The following ACYP2 variants were observed in gnomAD, a reference collection of about 807,000 sequenced individuals.
ACYP2 encodes acylphosphatase-2.
In ACYP2, 12 loss-of-function variants were observed where a neutral mutation model predicts 11.2. The ratio of observed to expected loss-of-function variants is 1.08; its 90% confidence interval spans 0.69 to 1.74. ACYP2 has a LOEUF of 1.74. Among genes scored for constraint, ACYP2 ranks in the 40% most tolerant of loss-of-function variants. ACYP2 has a pLI of 0.00. For missense variants in ACYP2, 134 were observed against 101.9 expected (o/e 1.31, Z -1.35); for synonymous variants, 43 against 32.2 (o/e 1.33, Z -1.13).
At chr2:54,202,270 G>A (rs146589350) in intron 6 of ACYP2, among the ~76,000 whole-genome samples, 4,439 of 149,744 alleles carry the variant, frequency 0.03, 224 homozygotes, top group African/African-American at 0.1. Context: ...CACCATGACC[G>A]GCTAATTTTT....
chr2:54,214,858 A>G (rs1451821336), intron 6 of ACYP2, among the ~76,000 whole-genome samples: 1 of 152,168 alleles, frequency 6.6e-6, no homozygotes, highest in East Asian at 1.9e-4. Context: ...CCATCTTAAC[A>G]ATATTGATTC....
At chr2:54,300,770 C>T (rs966360187) in intron 6 of ACYP2, among the ~76,000 whole-genome samples, 2 of 152,194 alleles carry the variant, frequency 1.3e-5, no homozygotes, top group African/African-American at 4.8e-5. Flanking sequence ...TTAGGTAGTA[C>T]CAAGTTGCCC....
chr2:54,159,960 T>TTG, intron 6 of ACYP2, among the ~76,000 whole-genome samples: 1 of 152,304 alleles, frequency 6.6e-6, no homozygotes, highest in East Asian at 1.9e-4. Flanking sequence ...ACTTGCTGTG[T>TTG]TGTAGCCCCT....
chr2:54,232,449 T>G (rs1260868646), intron 6 of ACYP2, among the ~76,000 whole-genome samples: 1 of 152,108 alleles, frequency 6.6e-6, no homozygotes, highest in African/African-American at 2.4e-5. Flanking sequence ...ACAAGAGGAA[T>G]GGTGTTACAT....
chr2:54,223,988 C>G (rs183413283), intron 6 of ACYP2, among the ~76,000 whole-genome samples: 14 of 152,218 alleles, frequency 9.2e-5, no homozygotes, highest in African/African-American at 3.1e-4. Context: ...GAGGCAGACC[C>G]TGAATGTGAG....
chr2:54,303,674 G>A (rs561906372), intron 6 of ACYP2, among the ~76,000 whole-genome samples: 1 of 152,162 alleles, frequency 6.6e-6, no homozygotes, highest in Non-Finnish European at 1.5e-5. Context: ...GTAATTTTCA[G>A]CTAACCTAGA....
At chr2:54,105,139 G>A (rs944369927) in intron 4 of ACYP2, among the ~76,000 whole-genome samples, 2 of 152,160 alleles carry the variant, frequency 1.3e-5, no homozygotes, top group Non-Finnish European at 2.9e-5. Flanking sequence ...CATAGAGCCT[G>A]AGCACTCTTC....
intron 2 of ACYP2, among the ~76,000 whole-genome samples, chr2:54,009,666 A>G (rs11687470): frequency 0.065 from 9,966 of 152,224 alleles, 430 homozygotes; most frequent in Non-Finnish European, 0.094. Flanking sequence ...GCATGAAGTA[A>G]TACAGGAGCT....
chr2:54,304,777 A>G lies in ACYP2; in HGVS notation c.494A>G (p.Tyr165Cys), dbSNP rs1331133792. The G allele has an allele frequency of 1.2e-6, 2 of 1,608,460 alleles. No homozygotes were observed. The highest frequency in any genetic ancestry group is 1.3e-5 in the African/African-American group (1 of 74,766). The change falls in exon 7 of 7, where the codon TAC (tyrosine) becomes TGC (cysteine). Residue 165 changes from tyrosine (Y) to cysteine (C), a missense_variant. Physicochemically the swap from Tyr to Cys is radical, Grantham distance 194. Transcript: ENST00000607452. ...GAAAAAACCATCTCTAAGCTTGAAT[A>G]CTCTAATTTTAGTATTAGATACTAA...
Position 54,083,998 on chromosome 2 carries a change from G to A in ACYP2, c.277+26638G>A, listed in dbSNP as rs187976511. On this transcript the variant is annotated intron_variant, in intron 4 of 6. Coordinates refer to ENST00000607452, the MANE Select transcript of ACYP2 (RefSeq NM_001320586.2). ...CACACCAAATTATAAATTTTGAAAA[G>A]ATGAGAAATGTCCCAAATATCCCCA... Among the ~76,000 whole-genome samples, 322 of 152,292 alleles carry A rather than the reference G, an allele frequency of 2.1e-3. 2 individuals are homozygous for A. The highest frequency in any genetic ancestry group is 7.4e-3 in the African/African-American group (306 of 41,564).
At chr2:53,980,348 G>T (rs1671687844) in intron 2 of ACYP2, among the ~76,000 whole-genome samples, 1 of 151,276 alleles carries the variant, frequency 6.6e-6, no homozygotes, top group East Asian at 1.9e-4. Flanking sequence ...GTGAGACCCT[G>T]TCTCAAAAAA....
intron 6 of ACYP2, among the ~76,000 whole-genome samples, chr2:54,297,690 T>C (rs370903022): frequency 4.9e-4 from 74 of 152,258 alleles, no homozygotes; most frequent in African/African-American, 1.7e-3. Flanking sequence ...TACAAGAAAT[T>C]ACTAGTTTTC....
chr2:54,120,298 C>T (rs546485579), intron 4 of ACYP2, among the ~76,000 whole-genome samples: 39 of 152,322 alleles, frequency 2.6e-4, no homozygotes, highest in African/African-American at 9.4e-4. Context: ...GACTGAGCCC[C>T]TGTGCTTTTA....
At chr2:54,035,225 C>T (rs1041232053) in intron 2 of ACYP2, among the ~76,000 whole-genome samples, 1 of 150,726 alleles carries the variant, frequency 6.6e-6, no homozygotes, top group Admixed American at 6.6e-5. Context: ...CTTTTTAGAC[C>T]GGCCCTGACT....
chr2:53,973,451 C>G (rs145734034), intron 1 of ACYP2, among the ~76,000 whole-genome samples: 115 of 152,324 alleles, frequency 7.5e-4, no homozygotes, highest in African/African-American at 2.5e-3. Flanking sequence ...ATAGCCTTAA[C>G]TGATAACATT....
chr2:54,277,635 G>A (rs1228999693), intron 6 of ACYP2, among the ~76,000 whole-genome samples: 1 of 152,020 alleles, frequency 6.6e-6, no homozygotes, highest in Non-Finnish European at 1.5e-5. Flanking sequence ...CCACAGTCGT[G>A]CTACTGCACC....
At chr2:54,031,575 G>T (rs369626367) in intron 2 of ACYP2, among the ~76,000 whole-genome samples, 1 of 152,022 alleles carries the variant, frequency 6.6e-6, no homozygotes, top group Non-Finnish European at 1.5e-5. Context: ...GAATAGTGCC[G>T]CAATAAACAT....
intron 6 of ACYP2, among the ~76,000 whole-genome samples, chr2:54,235,417 C>T (rs1236461043): frequency 2.0e-5 from 3 of 152,092 alleles, no homozygotes; most frequent in Non-Finnish European, 4.4e-5. Context: ...GGCGCAATCT[C>T]GGCTCACTGC....
chr2:54,065,083 C>CTAAA (rs58007169), intron 4 of ACYP2, among the ~76,000 whole-genome samples: 15,977 of 148,412 alleles, frequency 0.11, 1,195 homozygotes, highest in Admixed American at 0.2. Context: ...GACTCCATCT[C>CTAAA]TAAATAAATA....
Sources: allele counts gnomAD v4.1 joint callset (sites outside exome capture counted in the v4.1 genomes callset), GRCh38; gene constraint gnomAD v4.1.1; transcripts MANE v1.5; gene names NCBI Gene and HGNC (gene_info 2026-07-23, HGNC 2026-07-21).